ZNF423: variants seen among roughly 807,000 people sequenced by gnomAD.
ZNF423 encodes Ebf-associated zinc finger protein.
ZNF423 carries 12 observed loss-of-function variants against 95.8 expected under a neutral mutation model. That is an observed-to-expected ratio of 0.13 (90% confidence interval 0.08 to 0.20). The LOEUF (loss-of-function observed/expected upper bound fraction) is 0.20. ZNF423 is among the 10% of genes least tolerant of loss of function. The probability of loss-of-function intolerance (pLI) is 1.00; values close to 1 mark genes in which losing one functional copy is unlikely to be tolerated. For missense variants in ZNF423, 1,316 were observed against 1,737.1 expected, an observed-to-expected ratio of 0.76 and a Z score of 4.31; for synonymous variants, 749 against 711.9, an observed-to-expected ratio of 1.05 and a Z score of -0.83.
intron 2 of ZNF423, among the ~76,000 whole-genome samples, chr16:49,779,312 G>A (rs1194233661): frequency 1.3e-5 from 2 of 151,920 alleles, no homozygotes; most frequent in South Asian, 4.2e-4. Context: ...CTTTGGCTCA[G>A]GGGGCACAAA....
chr16:49,729,842 T>C (rs2033118797), intron 3 of ZNF423, among the ~76,000 whole-genome samples: 1 of 152,016 alleles, frequency 6.6e-6, no homozygotes, highest in South Asian at 2.1e-4. Flanking sequence ...AGCAAGAGCT[T>C]TGGGTGCCAA....
chr16:49,531,413 C>T (rs1008284495), intron 5 of ZNF423, among the ~76,000 whole-genome samples: 11 of 151,910 alleles, frequency 7.2e-5, no homozygotes, highest in Admixed American at 6.6e-4. Flanking sequence ...GCAAATCTTG[C>T]CAGGAGGCAA....
At chr16:49,770,435 G>C (rs991574588) in intron 2 of ZNF423, among the ~76,000 whole-genome samples, 2 of 152,196 alleles carry the variant, frequency 1.3e-5, no homozygotes, top group Non-Finnish European at 2.9e-5. Context: ...ACTGGGGTTA[G>C]GGGGAGTAGG....
chr16:49,534,041 G>A (rs1287313760), intron 5 of ZNF423, among the ~76,000 whole-genome samples: 3 of 151,982 alleles, frequency 2.0e-5, no homozygotes, highest in Non-Finnish European at 4.4e-5. Context: ...GGTACACTGA[G>A]GCAGGAAGAT....
intron 1 of ZNF423, among the ~76,000 whole-genome samples, chr16:49,817,363 G>T (rs1473449615): frequency 6.6e-6 from 1 of 152,224 alleles, no homozygotes; most frequent in Non-Finnish European, 1.5e-5. Flanking sequence ...AAGGCATTTG[G>T]TTACATCTGA....
chr16:49,705,951 C>T (rs868047586), intron 3 of ZNF423, among the ~76,000 whole-genome samples: 2 of 152,134 alleles, frequency 1.3e-5, no homozygotes, highest in South Asian at 2.1e-4. Context: ...AGAGAAGGCA[C>T]GTGGACGACC....
rs1283707155 is a variant in ZNF423 at position 49,855,174 on chromosome 16, G to A, written c.40+561C>T. ...CGCCAGGCGGCCGGGGCGAGGGCGC[G>A]GCGCCCGGGGCGCTCGCCGACAGCG... is the stretch of plus-strand genomic sequence containing the variant. On this transcript the variant is annotated intron_variant, in intron 1 of 7. Coordinates refer to ENST00000563137, the MANE Select transcript of ZNF423 (RefSeq NM_001379286.1). The surrounding 1 kb of genome is among the most constrained non-coding windows in gnomAD (Gnocchi z 4.7). Among the ~76,000 whole-genome samples, 1 of 148,432 alleles carries A rather than the reference G, an allele frequency of 6.7e-6. No individual in the cohort carries two copies. The highest frequency in any genetic ancestry group is 1.5e-5 in the Non-Finnish European group (1 of 66,516).
intron 3 of ZNF423, chr16:49,664,303 G>T: frequency 1.0e-6 from 1 of 985,794 alleles, no homozygotes; most frequent in Middle Eastern, 5.2e-4. Context: ...TGCTGCTCCC[G>T]CGGCGGCGCT....
At chr16:49,623,282 C>T (rs1295416506) in intron 5 of ZNF423, among the ~76,000 whole-genome samples, 2 of 152,226 alleles carry the variant, frequency 1.3e-5, no homozygotes, top group African/African-American at 4.8e-5. Context: ...AGCCAAGGCG[C>T]CTTCCCTCAG....
At chr16:49,516,772 C>T (rs940010563) in intron 7 of ZNF423, among the ~76,000 whole-genome samples, 4 of 152,240 alleles carry the variant, frequency 2.6e-5, no homozygotes, top group South Asian at 4.2e-4. Context: ...TATGATCCTA[C>T]CCCCAGCCAC....
At chr16:49,549,925 T>C (rs1050284138) in intron 5 of ZNF423, among the ~76,000 whole-genome samples, 1 of 152,050 alleles carries the variant, frequency 6.6e-6, no homozygotes, top group Admixed American at 6.6e-5. Context: ...CAGGCAGGAG[T>C]GCAGTGGTGC....
At chr16:49,579,160 T>A (rs1970586871) in intron 5 of ZNF423, among the ~76,000 whole-genome samples, 1 of 152,140 alleles carries the variant, frequency 6.6e-6, no homozygotes, top group South Asian at 2.1e-4. Flanking sequence ...TGGAAGTTAA[T>A]TCAACTCGAA....
intron 3 of ZNF423, among the ~76,000 whole-genome samples, chr16:49,667,875 G>C (rs917812170): frequency 2.0e-5 from 3 of 152,300 alleles, no homozygotes; most frequent in Non-Finnish European, 4.4e-5. Context: ...AACAGAGTGA[G>C]ACCCTGTCTC....
chr16:49,502,613 T>G (rs1967452543), intron 7 of ZNF423, among the ~76,000 whole-genome samples: 1 of 151,802 alleles, frequency 6.6e-6, no homozygotes, highest in Non-Finnish European at 1.5e-5. Flanking sequence ...CTTCCTTGCT[T>G]CAAAGGACCT....
At chr16:49,623,128 A>G (rs1972141458) in intron 5 of ZNF423, among the ~76,000 whole-genome samples, 1 of 152,148 alleles carries the variant, frequency 6.6e-6, no homozygotes, top group South Asian at 2.1e-4. Flanking sequence ...TCCATGCCGC[A>G]GTGAACTGGA....
chr16:49,611,004 CT>C (rs1223585827), intron 5 of ZNF423, among the ~76,000 whole-genome samples: 8 of 152,112 alleles, frequency 5.3e-5, no homozygotes, highest in Non-Finnish European at 1.0e-4. Context: ...GCAAAATATG[CT>C]AAGCAAAAGC....
At chr16:49,657,994 C>T (rs1299382772) in intron 3 of ZNF423, among the ~76,000 whole-genome samples, 4 of 152,204 alleles carry the variant, frequency 2.6e-5, no homozygotes, top group African/African-American at 7.2e-5. Flanking sequence ...GTCCTTTCAA[C>T]GACCTCAGGA....
chr16:49,684,408 A>G (rs1184172705), intron 3 of ZNF423, among the ~76,000 whole-genome samples: 2 of 152,234 alleles, frequency 1.3e-5, no homozygotes, highest in Non-Finnish European at 2.9e-5. Context: ...AAAATTAAAG[A>G]GACATTTGTA....
intron 5 of ZNF423, among the ~76,000 whole-genome samples, chr16:49,602,053 T>C (rs1020267939): frequency 6.6e-6 from 1 of 152,204 alleles, no homozygotes. Context: ...TCAATTATTG[T>C]TTGGGTGTCA....
Sources: gnomAD v4.1 joint callset for allele counts (sites outside exome capture counted in the v4.1 genomes callset) on GRCh38, gnomAD v4.1.1 for gene constraint, Gnocchi (gnomAD v3.1) non-coding constraint, MANE v1.5 for transcripts, NCBI Gene and HGNC (gene_info 2026-07-23, HGNC 2026-07-21) for gene names.